Variants in CDIN1 observed in about 807,000 individuals in gnomAD.
The protein encoded by CDIN1 is CDAN1 interacting nuclease 1.
A neutral mutation model predicts 45.3 loss-of-function variants in CDIN1; 33 were observed. The ratio of observed to expected loss-of-function variants is 0.73; its 90% confidence interval spans 0.55 to 0.97. The LOEUF (loss-of-function observed/expected upper bound fraction) is 0.97. Among genes scored for constraint, CDIN1 ranks in the 50% least tolerant of loss-of-function variants. The pLI is 0.00. For synonymous variants in CDIN1, 118 were observed against 124.4 expected, an observed-to-expected ratio of 0.95 and a Z score of 0.34; for missense variants, 303 against 339.4, an observed-to-expected ratio of 0.89 and a Z score of 0.84.
chr15:36,726,468 G>GC (rs2043628638), intron 10 of CDIN1, among the ~76,000 whole-genome samples: 1 of 152,078 alleles, frequency 6.6e-6, no homozygotes, highest in South Asian at 2.1e-4. Context: ...GCCAAGCGTG[G>GC]CCACCCCCAC....
chr15:36,586,238 A>G (rs77175340), intron 1 of CDIN1, among the ~76,000 whole-genome samples: 4,009 of 143,308 alleles, frequency 0.028, 52 homozygotes, highest in South Asian at 0.047. Context: ...TAAAGTTACT[A>G]TTGTTCCTTT....
intron 1 of CDIN1, among the ~76,000 whole-genome samples, chr15:36,634,551 G>T (rs556137758): frequency 1.3e-5 from 2 of 152,164 alleles, no homozygotes; most frequent in South Asian, 4.1e-4. Context: ...TGATTTATAA[G>T]AATTCTTATT....
intron 10 of CDIN1, among the ~76,000 whole-genome samples, chr15:36,795,524 T>A (rs915582448): frequency 6.6e-6 from 1 of 152,166 alleles, no homozygotes; most frequent in African/African-American, 2.4e-5. Flanking sequence ...CTTTGTTGTG[T>A]AAACTAGACT....
At chr15:36,796,234 A>C (rs2054792496) in intron 10 of CDIN1, among the ~76,000 whole-genome samples, 1 of 152,200 alleles carries the variant, frequency 6.6e-6, no homozygotes, top group African/African-American at 2.4e-5. Context: ...GCAACAATGA[A>C]CATATACAGA....
chr15:36,644,736 G>A (rs1227666929), intron 2 of CDIN1, among the ~76,000 whole-genome samples: 1 of 152,094 alleles, frequency 6.6e-6, no homozygotes, highest in Admixed American at 6.5e-5. Flanking sequence ...GAGATGACAG[G>A]TGTCAGTCAA....
At chr15:36,626,915 C>A in intron 1 of CDIN1, 1 of 198,366 alleles carries the variant, frequency 5.0e-6, no homozygotes, top group South Asian at 9.3e-5. Flanking sequence ...GTGGTGAGTC[C>A]ACTTGGAGAG....
rs2042281471 is a variant in CDIN1, at chr15:36,692,193, A to T, written c.476+18A>T. 1 of 1,612,128 alleles carries T rather than the reference A, an allele frequency of 6.2e-7. No individual in the cohort carries two copies. Among genetic ancestry groups the T allele is most frequent in the Admixed American group, 1.7e-5 (1 of 59,860 alleles). On this transcript the variant is annotated intron_variant, in intron 7 of 10. Transcript: ENST00000566621. ...ATCAAGCAGTATCCTTTCCCATAAAATTTTAGGTGCGCAATTGACGAGCTT... is the reference window on the plus strand; with the variant it reads ...ATCAAGCAGTATCCTTTCCCATAAATTTTTAGGTGCGCAATTGACGAGCTT...
chr15:36,622,852 C>T (rs559058603), intron 1 of CDIN1, among the ~76,000 whole-genome samples: 3 of 152,300 alleles, frequency 2.0e-5, no homozygotes, highest in South Asian at 4.1e-4. Context: ...GTGTTTGTAT[C>T]GGGGAGGCAG....
intron 5 of CDIN1, among the ~76,000 whole-genome samples, chr15:36,673,614 A>G (rs2041532192): frequency 6.6e-6 from 1 of 152,102 alleles, no homozygotes; most frequent in African/African-American, 2.4e-5. Context: ...AAATGTACCA[A>G]ACCAGCCAGT....
chr15:36,688,124 A>G (rs545087425), intron 5 of CDIN1, among the ~76,000 whole-genome samples: 1 of 152,214 alleles, frequency 6.6e-6, no homozygotes, highest in East Asian at 1.9e-4. Context: ...AGTGGGAACG[A>G]GGAAATAATG....
intron 10 of CDIN1, among the ~76,000 whole-genome samples, chr15:36,766,202 C>T (rs2053919483): frequency 6.6e-6 from 1 of 152,194 alleles, no homozygotes; most frequent in African/African-American, 2.4e-5. Context: ...ATAATGTTCT[C>T]CCATTCATCC....
In CDIN1 at chr15:36,651,584, GTA is replaced by G. The variant is rs1432623975; in HGVS notation, c.213-2511_213-2510del. On this transcript the variant is annotated intron_variant, in intron 3 of 10. Coordinates refer to ENST00000566621, the MANE Select transcript of CDIN1 (RefSeq NM_001321759.2). ...TCCTACCACTTATGAGGTGCTACAGGTATAGTTGGGAAACAGATTGGAAAACA... is the reference window on the plus strand; with the variant it reads ...TCCTACCACTTATGAGGTGCTACAGGTAGTTGGGAAACAGATTGGAAAACA... 2.0e-5 allele frequency among the ~76,000 whole-genome samples: 3 copies of G among 152,064 alleles called. No individual in the cohort carries two copies. The East Asian group carries it at 5.8e-4, about 29-fold the overall frequency.
In CDIN1 at chr15:36,652,521, G is replaced by A. The variant is rs968147997; in HGVS notation, c.213-1577G>A. Among the ~76,000 whole-genome samples, 56 of 152,260 alleles carry A rather than the reference G, an allele frequency of 3.7e-4. 1 individual carries two copies. Among genetic ancestry groups the A allele is most frequent in the Admixed American group, 3.6e-3 (55 of 15,282 alleles). On this transcript the variant is annotated intron_variant, in intron 3 of 10. Transcript: ENST00000566621. ...GTATCAGTGCAGTGGCCTTGTTTGT[G>A]AGAAATTGATGTGAGGTTCTTAACG...
chr15:36,770,073 G>C (rs1460527107), intron 10 of CDIN1, among the ~76,000 whole-genome samples: 1 of 151,506 alleles, frequency 6.6e-6, no homozygotes, highest in African/African-American at 2.4e-5. Context: ...CACTCAGCTT[G>C]CTTCATTTTC....
intron 1 of CDIN1, among the ~76,000 whole-genome samples, chr15:36,592,164 A>C (rs1231818153): frequency 6.6e-6 from 1 of 151,994 alleles, no homozygotes; most frequent in East Asian, 1.9e-4. Context: ...GTGGGCCAAC[A>C]TTTTCCTGGC....
intron 10 of CDIN1, among the ~76,000 whole-genome samples, chr15:36,797,755 A>G (rs2054855539): frequency 6.6e-6 from 1 of 152,088 alleles, no homozygotes; most frequent in Non-Finnish European, 1.5e-5. Context: ...CGAGGCGGGC[A>G]GATCACCTGA....
intron 1 of CDIN1, among the ~76,000 whole-genome samples, chr15:36,638,468 T>G (rs1219917034): frequency 6.6e-6 from 1 of 152,214 alleles, no homozygotes; most frequent in Non-Finnish European, 1.5e-5. Flanking sequence ...GGAACAAATT[T>G]AAAGCTGCTT....
At chr15:36,677,690 A>G (rs770364902) in intron 5 of CDIN1, among the ~76,000 whole-genome samples, 4 of 152,180 alleles carry the variant, frequency 2.6e-5, no homozygotes, top group Non-Finnish European at 2.9e-5. Flanking sequence ...CCATTCCACA[A>G]TATGAGGGAG....
chr15:36,613,247 TG>T (rs2038732581), intron 1 of CDIN1, among the ~76,000 whole-genome samples: 1 of 152,148 alleles, frequency 6.6e-6, no homozygotes, highest in South Asian at 2.1e-4. Context: ...GGTATGCGGG[TG>T]TGGATGTTAG....
Sources: allele counts gnomAD v4.1 joint callset (sites outside exome capture counted in the v4.1 genomes callset), GRCh38; gene constraint gnomAD v4.1.1; transcripts MANE v1.5; gene names NCBI Gene and HGNC (gene_info 2026-07-23, HGNC 2026-07-21).